The following SNRPN variants were observed in gnomAD, a reference collection of about 807,000 sequenced individuals.
SNRPN encodes small nuclear ribonucleoprotein-associated protein N.
A neutral mutation model predicts 25.2 loss-of-function variants in SNRPN; 7 were observed. The ratio of observed to expected loss-of-function variants is 0.28; its 90% confidence interval spans 0.16 to 0.52. The LOEUF (loss-of-function observed/expected upper bound fraction) is 0.52, where lower values mean the gene tolerates loss of function less well. Among genes scored for constraint, SNRPN ranks in the 20% least tolerant of loss-of-function variants. The probability of loss-of-function intolerance (pLI) is 0.96; values close to 1 mark genes in which losing one functional copy is unlikely to be tolerated. For missense variants in SNRPN, 196 were observed against 322.5 expected, an observed-to-expected ratio of 0.61 and a Z score of 3.00; for synonymous variants, 124 against 110.6, an observed-to-expected ratio of 1.12 and a Z score of -0.76.
intron 2 of SNRPN, among the ~76,000 whole-genome samples, chr15:24,842,641 C>T (rs1367189397): frequency 6.6e-6 from 1 of 152,176 alleles, no homozygotes; most frequent in Admixed American, 6.5e-5. Context: ...AACCCCAGCT[C>T]TCCTGGACAG....
At chr15:24,899,996 G>C (rs1351846601) in intron 2 of SNRPN, among the ~76,000 whole-genome samples, 2 of 152,146 alleles carry the variant, frequency 1.3e-5, no homozygotes, top group African/African-American at 2.4e-5. Context: ...CCTTGTCAAT[G>C]TGCAATGGGA....
upstream of SNRPN, among the ~76,000 whole-genome samples, chr15:24,854,612 T>C (rs2053207836): frequency 6.6e-6 from 1 of 152,088 alleles, no homozygotes; most frequent in South Asian, 2.1e-4. Flanking sequence ...CTCAATAGAT[T>C]TATTGAAACA....
At chr15:24,958,092 T>A (rs1173668890) in intron 1 of SNRPN, among the ~76,000 whole-genome samples, 2 of 152,216 alleles carry the variant, frequency 1.3e-5, no homozygotes, top group Non-Finnish European at 2.9e-5. Context: ...TATCTTGATT[T>A]CACTATTCTA....
At chr15:24,874,987 T>A (rs1021198557) in intron 1 of SNRPN, among the ~76,000 whole-genome samples, 23 of 152,328 alleles carry the variant, frequency 1.5e-4, no homozygotes, top group African/African-American at 5.5e-4. Flanking sequence ...TTTTTTTCAG[T>A]AATAATATAA....
chr15:24,938,855 G>C (rs1396795735), intron 3 of SNRPN, among the ~76,000 whole-genome samples: 1 of 152,148 alleles, frequency 6.6e-6, no homozygotes, highest in African/African-American at 2.4e-5. Context: ...ATAGTGGCCA[G>C]CGAGAGTTAG....
chr15:24,976,197 A>G, intron 5 of SNRPN, 108 bp from the exon 6 acceptor site: 1 of 844,836 alleles, frequency 1.2e-6, no homozygotes, highest in African/African-American at 1.7e-5. Flanking sequence ...ATAACTCAGT[A>G]AATGTTTAGC....
At chr15:24,894,250 G>A (rs983829110) in intron 2 of SNRPN, among the ~76,000 whole-genome samples, 71 of 149,418 alleles carry the variant, frequency 4.8e-4, no homozygotes, top group Non-Finnish European at 7.8e-4. Flanking sequence ...ACGGAGTCTC[G>A]CTCTGTCGCC....
intron 2 of SNRPN, among the ~76,000 whole-genome samples, chr15:24,913,685 AAG>A (rs1469558632): frequency 2.0e-5 from 3 of 152,170 alleles, no homozygotes; most frequent in East Asian, 3.8e-4. Context: ...AACAAAGAAA[AAG>A]AGTGTAGGGG....
rs550990063 is a variant in SNRPN at position 24,956,529 on chromosome 15, G to C, written c.-391+1467G>C. On this transcript the variant is annotated intron_variant, in intron 1 of 9. Coordinates refer to ENST00000390687, the MANE Select transcript of SNRPN (RefSeq NM_003097.6). ...CCTCCCCAAAGTGCTGCTTGGGAAA[G>C]GATGCAGGTTGCGCAGACGCAGCAG... Among the ~76,000 whole-genome samples the C allele has an allele frequency of 2.7e-3, 415 of 152,332 alleles. 6 individuals carry two copies. Among genetic ancestry groups the C allele is most frequent in the African/African-American group, 9.4e-3 (389 of 41,586 alleles).
intron 2 of SNRPN, among the ~76,000 whole-genome samples, chr15:24,897,189 A>G (rs981373861): frequency 1.3e-5 from 2 of 152,160 alleles, no homozygotes; most frequent in African/African-American, 4.8e-5. Context: ...AATACAGGCC[A>G]CTGACACCTT....
At chr15:24,862,177 A>G (rs947884534) in intron 1 of SNRPN, among the ~76,000 whole-genome samples, 1 of 151,192 alleles carries the variant, frequency 6.6e-6, no homozygotes, top group African/African-American at 2.5e-5. Flanking sequence ...ACTAGAAATG[A>G]TGAAATATGA....
chr15:24,863,279 A>C (rs2054175528), intron 1 of SNRPN, among the ~76,000 whole-genome samples: 1 of 150,682 alleles, frequency 6.6e-6, no homozygotes, highest in Non-Finnish European at 1.5e-5. Context: ...GCCACCTTGC[A>C]TCACAGGGTG....
chr15:24,900,578 G>C (rs1351278585), intron 2 of SNRPN, among the ~76,000 whole-genome samples: 1 of 152,106 alleles, frequency 6.6e-6, no homozygotes, highest in Non-Finnish European at 1.5e-5. Flanking sequence ...CTTTTTGCTA[G>C]TAGCATGACT....
chr15:24,964,822 A>AT (rs2075379269), intron 2 of SNRPN, among the ~76,000 whole-genome samples: 1 of 152,206 alleles, frequency 6.6e-6, no homozygotes, highest in Non-Finnish European at 1.5e-5. Flanking sequence ...TCTCATCCTC[A>AT]TCTTGTTGTG....
At chr15:24,848,033 G>A (rs760972681) in intron 2 of SNRPN, among the ~76,000 whole-genome samples, 19 of 151,990 alleles carry the variant, frequency 1.3e-4, no homozygotes, top group Non-Finnish European at 1.8e-4. Flanking sequence ...TGATGGAGAA[G>A]TCAGGTGCAT....
At chr15:24,953,937 G>C (rs947265736), upstream of SNRPN, among the ~76,000 whole-genome samples, 18 of 152,148 alleles carry the variant, frequency 1.2e-4, no homozygotes, top group African/African-American at 4.1e-4. Context: ...AGGATCATTG[G>C]GAACTGAGCA....
At chr15:24,864,339 C>CTTTT (rs58622804) in intron 1 of SNRPN, among the ~76,000 whole-genome samples, 22 of 117,224 alleles carry the variant, frequency 1.9e-4, no homozygotes, top group East Asian at 8.0e-4. Flanking sequence ...CTCTTCTTTT[C>CTTTT]TTTTTTTTTT....
At chr15:24,969,723 C>T (rs1468042290) in intron 3 of SNRPN, among the ~76,000 whole-genome samples, 1 of 152,164 alleles carries the variant, frequency 6.6e-6, no homozygotes, top group East Asian at 1.9e-4. Context: ...TTTTATGATA[C>T]TTAATTATAT....
intron 2 of SNRPN, among the ~76,000 whole-genome samples, chr15:24,832,725 A>T (rs2050653238): frequency 6.6e-6 from 1 of 152,040 alleles, no homozygotes; most frequent in Non-Finnish European, 1.5e-5. Context: ...GTCCAAGGTC[A>T]GTTCAACTTG....
Sources: allele counts gnomAD v4.1 joint callset (sites outside exome capture counted in the v4.1 genomes callset), GRCh38; gene constraint gnomAD v4.1.1; transcripts MANE v1.5; gene names NCBI Gene and HGNC (gene_info 2026-07-23, HGNC 2026-07-21).